The following COMMD1 variants were observed in gnomAD, a reference collection of about 807,000 sequenced individuals.
COMMD1 encodes the protein copper metabolism domain containing 1.
COMMD1 carries 10 observed loss-of-function variants against 17.2 expected under a neutral mutation model. The ratio of observed to expected loss-of-function variants is 0.58; its 90% CI spans 0.36 to 0.99. COMMD1 has a LOEUF of 0.99. COMMD1 is among the 50% of genes least tolerant of loss of function. The pLI is 0.01. For missense variants in COMMD1, 270 were observed against 231.8 expected (o/e 1.17, Z -1.07); for synonymous variants, 97 against 91.6 (o/e 1.06, Z -0.34).
Position 62,125,733 on chromosome 2 carries a change from T to G in COMMD1, c.463-10098T>G, listed in dbSNP as rs536224361. Among the ~76,000 whole-genome samples, 6 of 152,322 alleles carry G rather than the reference T, an allele frequency of 3.9e-5. No homozygotes were observed. The South Asian group carries it at 1.2e-3, about 32-fold the overall frequency. Reference sequence around the variant, plus strand: ...TATAGCAACAAGGCCATGTTTCAGTTGTCCAGGACTTTTGATGCAAATTCT... The same window carrying G: ...TATAGCAACAAGGCCATGTTTCAGTGGTCCAGGACTTTTGATGCAAATTCT... On this transcript the variant is annotated intron_variant, in intron 2 of 2. Coordinates refer to ENST00000311832, the MANE Select transcript of COMMD1 (RefSeq NM_152516.4).
At chr2:62,047,237 T>C (rs1206645161) in intron 2 of COMMD1, among the ~76,000 whole-genome samples, 17 of 152,232 alleles carry the variant, frequency 1.1e-4, no homozygotes, top group Admixed American at 1.1e-3. Flanking sequence ...CATAAGACTG[T>C]AATGGAGTTG....
chr2:62,008,131 C>T (rs554212201), intron 2 of COMMD1, among the ~76,000 whole-genome samples: 43 of 152,226 alleles, frequency 2.8e-4, no homozygotes, highest in Non-Finnish European at 5.0e-4. Context: ...GCTGTGATTG[C>T]GCCACTACCC....
intron 1 of COMMD1, among the ~76,000 whole-genome samples, chr2:61,988,618 C>T (rs1432493259): frequency 6.6e-6 from 1 of 152,122 alleles, no homozygotes; most frequent in Non-Finnish European, 1.5e-5. Context: ...GCTGTGCTGC[C>T]TGGGGTTGGT....
At chr2:62,072,892 C>A (rs1448466870) in intron 2 of COMMD1, among the ~76,000 whole-genome samples, 1 of 152,238 alleles carries the variant, frequency 6.6e-6, no homozygotes, top group Non-Finnish European at 1.5e-5. Context: ...CATGGATGGA[C>A]CCTGTGCTTA....
At chr2:62,061,227 T>C (rs1037780508) in intron 2 of COMMD1, among the ~76,000 whole-genome samples, 4 of 152,252 alleles carry the variant, frequency 2.6e-5, no homozygotes, top group Non-Finnish European at 4.4e-5. Context: ...GAGTGTGTCA[T>C]ATTTTCCTGT....
upstream of COMMD1, among the ~76,000 whole-genome samples, chr2:61,902,300 G>T (rs1425533546): frequency 1.3e-5 from 2 of 151,978 alleles, no homozygotes; most frequent in East Asian, 3.9e-4. Context: ...GAGGTCGGGA[G>T]TTCGAGACCA....
chr2:62,018,574 T>A (rs186559297), intron 2 of COMMD1, among the ~76,000 whole-genome samples: 105 of 152,326 alleles, frequency 6.9e-4, no homozygotes, highest in African/African-American at 2.3e-3. Context: ...TTTCCGGCTT[T>A]ATTGGGATAT....
chr2:62,076,545 G>A (rs981058218), intron 2 of COMMD1, among the ~76,000 whole-genome samples: 3 of 152,188 alleles, frequency 2.0e-5, no homozygotes, highest in Admixed American at 6.5e-5. Flanking sequence ...CCTGGAGTTC[G>A]AGACCAGCCT....
intron 1 of COMMD1, among the ~76,000 whole-genome samples, chr2:61,944,915 C>T (rs1670867714): frequency 6.6e-6 from 1 of 152,156 alleles, no homozygotes; most frequent in East Asian, 1.9e-4. Flanking sequence ...GAAGCAAAGA[C>T]AGAAACCACG....
intron 2 of COMMD1, among the ~76,000 whole-genome samples, chr2:62,041,639 C>T (rs1220898951): frequency 1.3e-5 from 2 of 152,182 alleles, no homozygotes; most frequent in South Asian, 2.1e-4. Flanking sequence ...CATCTGCCTC[C>T]CTGTCCTCCC....
chr2:61,981,246 GTT>G (rs1667068118), intron 1 of COMMD1, among the ~76,000 whole-genome samples: 1 of 152,196 alleles, frequency 6.6e-6, no homozygotes, highest in African/African-American at 2.4e-5. Context: ...GGCCTGAAGA[GTT>G]TCCCCAATGT....
At chr2:62,067,081 C>T (rs776220840) in intron 2 of COMMD1, among the ~76,000 whole-genome samples, 5 of 151,886 alleles carry the variant, frequency 3.3e-5, no homozygotes, top group African/African-American at 7.2e-5. Context: ...AGGTTCCGGC[C>T]GGGCATGGTG....
chr2:62,122,444 CTTT>C (rs372131423), intron 2 of COMMD1, among the ~76,000 whole-genome samples: 2 of 126,880 alleles, frequency 1.6e-5, no homozygotes, highest in African/African-American at 2.8e-5. Flanking sequence ...TCTTTCTTTT[CTTT>C]TTTTTTTTTT....
intron 1 of COMMD1, among the ~76,000 whole-genome samples, chr2:61,933,695 AT>A (rs1166786286): frequency 1.3e-5 from 2 of 152,188 alleles, no homozygotes; most frequent in African/African-American, 4.8e-5. Context: ...TGTGAGCTAA[AT>A]ACCCAGTCTC....
At chr2:62,054,624 G>A (rs778841060) in intron 2 of COMMD1, among the ~76,000 whole-genome samples, 3 of 152,154 alleles carry the variant, frequency 2.0e-5, no homozygotes, top group Admixed American at 1.3e-4. Context: ...AGTAGCACAT[G>A]TTCTCACTCA....
chr2:62,052,128 TAGAG>T (rs937640214), intron 2 of COMMD1, among the ~76,000 whole-genome samples: 3 of 152,104 alleles, frequency 2.0e-5, no homozygotes, highest in Non-Finnish European at 4.4e-5. Flanking sequence ...CTGCAAATAA[TAGAG>T]AGCCAAATTA....
chr2:62,073,881 A>C (rs1671266910), intron 2 of COMMD1, among the ~76,000 whole-genome samples: 2 of 152,118 alleles, frequency 1.3e-5, no homozygotes, highest in African/African-American at 4.8e-5. Flanking sequence ...TATTTTTAGT[A>C]GAGTCAGGAT....
At chr2:61,997,479 C>A (rs1668800197) in intron 1 of COMMD1, among the ~76,000 whole-genome samples, 1 of 152,096 alleles carries the variant, frequency 6.6e-6, no homozygotes, top group African/African-American at 2.4e-5. Context: ...TTGTACGTCT[C>A]CATCAGAGCT....
chr2:61,953,005 AT>A (rs1671098216), intron 1 of COMMD1, among the ~76,000 whole-genome samples: 1 of 152,092 alleles, frequency 6.6e-6, no homozygotes, highest in Admixed American at 6.6e-5. Context: ...CTTGAAAAAT[AT>A]TGAGGTTAGT....
Sources: allele counts gnomAD v4.1 joint callset (sites outside exome capture counted in the v4.1 genomes callset), GRCh38; gene constraint gnomAD v4.1.1; transcripts MANE v1.5; gene names NCBI Gene and HGNC (gene_info 2026-07-23, HGNC 2026-07-21).